NEK1: variants seen among roughly 807,000 people sequenced by gnomAD.
NEK1 encodes the protein serine/threonine-protein kinase Nek1.
NEK1 carries 137 observed loss-of-function variants against 182.1 expected under a neutral mutation model. That is an observed-to-expected ratio of 0.75 (90% CI 0.65 to 0.87). The LOEUF (loss-of-function observed/expected upper bound fraction) is 0.87, where lower values mean the gene tolerates loss of function less well. NEK1 is among the 40% of genes least tolerant of loss of function. NEK1 has a pLI of 0.00. For missense variants in NEK1, 1,391 were observed against 1,494.4 expected (o/e 0.93, Z 1.14); for synonymous variants, 513 against 492.2 (o/e 1.04, Z -0.56).
intron 23 of NEK1, among the ~76,000 whole-genome samples, chr4:169,486,013 T>C (rs1052910665): frequency 1.3e-5 from 2 of 151,968 alleles, no homozygotes; most frequent in South Asian, 4.1e-4. Flanking sequence ...ACCACGGCAC[T>C]CCAGCCTGAG....
chr4:169,418,407 C>G (rs1026052662), intron 31 of NEK1, among the ~76,000 whole-genome samples: 4 of 151,776 alleles, frequency 2.6e-5, no homozygotes, highest in Admixed American at 1.3e-4. Context: ...TAAAACACAC[C>G]CAGAAGTAGG....
intron 12 of NEK1, among the ~76,000 whole-genome samples, chr4:169,573,050 T>G (rs556667556): frequency 6.6e-6 from 1 of 152,196 alleles, no homozygotes. Context: ...TTTGCTAACA[T>G]GAATGATTCA....
chr4:169,511,253 T>G (rs977113477), intron 19 of NEK1, among the ~76,000 whole-genome samples: 2 of 152,084 alleles, frequency 1.3e-5, no homozygotes, highest in Admixed American at 6.6e-5. Context: ...AGAAGGCCCT[T>G]GCAATAGCTT....
At chr4:169,551,671 T>G (rs992482784) in intron 18 of NEK1, among the ~76,000 whole-genome samples, 4 of 152,142 alleles carry the variant, frequency 2.6e-5, no homozygotes, top group Admixed American at 2.6e-4. Context: ...AACCAAAGTC[T>G]TCATCAGCAG....
intron 28 of NEK1, among the ~76,000 whole-genome samples, chr4:169,436,780 C>T (rs1738492488): frequency 6.6e-6 from 1 of 152,150 alleles, no homozygotes; most frequent in African/African-American, 2.4e-5. Context: ...TCTGTTACAG[C>T]ACAGAAAGAT....
intron 23 of NEK1, among the ~76,000 whole-genome samples, chr4:169,502,739 T>G (rs1301182116): frequency 6.6e-6 from 1 of 152,042 alleles, no homozygotes; most frequent in Non-Finnish European, 1.5e-5. Flanking sequence ...CTCAAAATAT[T>G]AAGAACCACC....
intron 11 of NEK1, among the ~76,000 whole-genome samples, chr4:169,579,615 C>G (rs184345329): frequency 1.4e-4 from 22 of 152,140 alleles, no homozygotes; most frequent in African/African-American, 4.1e-4. Context: ...AGGGTGAAAC[C>G]CTGTCTCTAC....
chr4:169,430,025 A>AT (rs1737129424), intron 29 of NEK1, among the ~76,000 whole-genome samples: 1 of 152,190 alleles, frequency 6.6e-6, no homozygotes, highest in Non-Finnish European at 1.5e-5. Flanking sequence ...AAAAGCAGGT[A>AT]TTAAATAGGT....
At chr4:169,446,404 A>C (rs1295470598) in intron 27 of NEK1, among the ~76,000 whole-genome samples, 2 of 152,176 alleles carry the variant, frequency 1.3e-5, no homozygotes, top group Non-Finnish European at 1.5e-5. Context: ...ACTATATGTT[A>C]ACAAATTGGA....
intron 26 of NEK1, among the ~76,000 whole-genome samples, chr4:169,470,884 C>T (rs1745829864): frequency 6.6e-6 from 1 of 152,136 alleles, no homozygotes; most frequent in African/African-American, 2.4e-5. Context: ...TCTTCAATCC[C>T]TGATATCCTT....
chr4:169,495,034 G>A (rs1247350637), intron 23 of NEK1, among the ~76,000 whole-genome samples: 2 of 152,118 alleles, frequency 1.3e-5, no homozygotes, highest in Admixed American at 1.3e-4. Context: ...CTCCCATTCT[G>A]TAGGTTGCCT....
chr4:169,401,946 T>C, intron 32 of NEK1, 86 bp from the exon 33 acceptor site: 4 of 1,143,204 alleles, frequency 3.5e-6, no homozygotes, highest in Non-Finnish European at 3.7e-6. Context: ...TACTGAAATT[T>C]TACTTCTACT....
At chr4:169,552,013 G>C (rs1236908790) in intron 18 of NEK1, among the ~76,000 whole-genome samples, 1 of 151,390 alleles carries the variant, frequency 6.6e-6, no homozygotes, top group Non-Finnish European at 1.5e-5. Context: ...ATGAGAGGAA[G>C]GAAAAAAAGA....
chr4:169,501,012 A>T (rs776486609), intron 23 of NEK1, among the ~76,000 whole-genome samples: 31 of 152,194 alleles, frequency 2.0e-4, no homozygotes, highest in African/African-American at 3.4e-4. Flanking sequence ...CAAGAGACCC[A>T]TCTCACATGT....
At chr4:169,532,450 G>A (rs1757818078) in intron 19 of NEK1, among the ~76,000 whole-genome samples, 3 of 152,092 alleles carry the variant, frequency 2.0e-5, no homozygotes, top group Admixed American at 2.0e-4. Context: ...AAGAGTGAGC[G>A]GTAATGTAAA....
chr4:169,527,557 A>G (rs529065917), intron 19 of NEK1, among the ~76,000 whole-genome samples: 51 of 152,300 alleles, frequency 3.3e-4, no homozygotes, highest in African/African-American at 1.1e-3. Context: ...AAAGATTTCT[A>G]TGTTCCAACT....
chr4:169,417,356 C>T (rs776378206), intron 31 of NEK1, among the ~76,000 whole-genome samples: 2 of 152,170 alleles, frequency 1.3e-5, no homozygotes, highest in African/African-American at 2.4e-5. Flanking sequence ...CAGCAGAAAG[C>T]CACTGAAGTC....
At chr4:169,566,147 T>C (rs541240396) in intron 12 of NEK1, among the ~76,000 whole-genome samples, 1 of 152,126 alleles carries the variant, frequency 6.6e-6, no homozygotes, top group African/African-American at 2.4e-5. Flanking sequence ...TTTAAAAACA[T>C]TAATACAGCA....
rs1554047306 is a variant in NEK1, at chr4:169,491,162, AAG to A, written c.2008-11630_2008-11629del. On this transcript the variant is annotated intron_variant, in intron 23 of 35. Transcript: ENST00000507142. ...AAAAAAAAAAAAAAAAAAAAAAAAA[AAG>A]AGAGATGGAGAAAGGCACAGAAGGC... Among the ~76,000 whole-genome samples the A allele has an allele frequency of 2.1e-4, 26 of 122,912 alleles. 2 individuals carry two copies. The highest frequency in any genetic ancestry group is 6.7e-4 in the African/African-American group (21 of 31,334). The allele number at this position is 122,912 out of a possible 152,430, so 80.6% of individuals were successfully genotyped here. A position where few individuals can be genotyped will look rare whatever the true frequency, so the allele number is the denominator to read the frequency against.
Sources: allele counts gnomAD v4.1 joint callset (sites outside exome capture counted in the v4.1 genomes callset), GRCh38; gene constraint gnomAD v4.1.1; transcripts MANE v1.5; gene names NCBI Gene and HGNC (gene_info 2026-07-23, HGNC 2026-07-21).